ROBO2: variants seen among roughly 807,000 people sequenced by gnomAD.
ROBO2 encodes roundabout guidance receptor 2, also known as roundabout homolog 2.
In ROBO2, 53 loss-of-function variants were observed where a neutral mutation model predicts 160.8. The ratio of observed to expected loss-of-function variants is 0.33; its 90% CI spans 0.26 to 0.41. The LOEUF is 0.41. Ranked by LOEUF, ROBO2 falls within the 10% of genes least tolerant of loss-of-function variation. ROBO2 has a pLI of 1.00. For missense variants in ROBO2, 1,577 were observed against 1,722.4 expected (o/e 0.92, Z 1.49); for synonymous variants, 664 against 611.7 (o/e 1.09, Z -1.26).
intron 2 of ROBO2, among the ~76,000 whole-genome samples, chr3:75,996,907 G>C (rs1407552242): frequency 6.6e-6 from 1 of 152,024 alleles, no homozygotes; most frequent in East Asian, 1.9e-4. Flanking sequence ...CATGATCCTT[G>C]ACAAATTTTC....
chr3:76,392,738 A>AT (rs942034926), intron 2 of ROBO2, among the ~76,000 whole-genome samples: 8 of 152,054 alleles, frequency 5.3e-5, no homozygotes, highest in Non-Finnish European at 7.4e-5. Flanking sequence ...ATATCAGAAC[A>AT]TTTTTTTATA....
intron 2 of ROBO2, among the ~76,000 whole-genome samples, chr3:76,863,153 G>C (rs1288075733): frequency 6.6e-6 from 1 of 152,074 alleles, no homozygotes; most frequent in Non-Finnish European, 1.5e-5. Flanking sequence ...AAGAGTCTGT[G>C]ACTTGTCTTC....
At chr3:77,308,656 G>A (rs967410364) in intron 2 of ROBO2, among the ~76,000 whole-genome samples, 4 of 152,030 alleles carry the variant, frequency 2.6e-5, no homozygotes, top group Admixed American at 6.6e-5. Flanking sequence ...AAAGATAATC[G>A]CCACTTATCA....
rs747388707 is a variant in ROBO2 at position 77,550,804 on chromosome 3, G to T, written c.1060-14G>T. ...GGAAAATGAATATTGATGAGATTGT[G>T]CTTGCTTCCACAGAACCTACTTTTC... On this transcript the variant is annotated splice_polypyrimidine_tract_variant and intron_variant, in intron 7 of 25. Transcript: ENST00000461745. 5.0e-6 allele frequency: 8 copies of T among 1,612,400 alleles called. No individual in the cohort carries two copies. The highest frequency in any genetic ancestry group is 6.8e-6 in the Non-Finnish European group (8 of 1,178,978).
chr3:76,587,123 G>A (rs1287249943), intron 2 of ROBO2, among the ~76,000 whole-genome samples: 1 of 152,080 alleles, frequency 6.6e-6, no homozygotes, highest in Non-Finnish European at 1.5e-5. Flanking sequence ...TAGTTATTAC[G>A]CCCATTGCCC....
chr3:77,451,277 A>T (rs1318161308), intron 2 of ROBO2, among the ~76,000 whole-genome samples: 1 of 152,130 alleles, frequency 6.6e-6, no homozygotes, highest in Non-Finnish European at 1.5e-5. Context: ...TTGAAAAATG[A>T]TCCCTATCCA....
chr3:76,078,159 C>A (rs2068703047), intron 2 of ROBO2, among the ~76,000 whole-genome samples: 3 of 152,036 alleles, frequency 2.0e-5, no homozygotes, highest in African/African-American at 7.2e-5. Context: ...ATCATAACAA[C>A]CTGTGTTTTC....
chr3:76,097,964 G>C (rs1304240504), intron 2 of ROBO2, among the ~76,000 whole-genome samples: 2 of 152,056 alleles, frequency 1.3e-5, no homozygotes, highest in African/African-American at 4.8e-5. Context: ...AGCAACTCTT[G>C]GTAAATAAAA....
chr3:77,357,843 A>G (rs7429743), intron 2 of ROBO2, among the ~76,000 whole-genome samples: 130,279 of 152,134 alleles, frequency 0.86, 55,747 homozygotes, highest in Non-Finnish European at 0.87. Context: ...TAGAAGAAAA[A>G]AGGTTTGGGC....
intron 2 of ROBO2, among the ~76,000 whole-genome samples, chr3:77,205,516 G>T (rs1483617204): frequency 6.6e-6 from 1 of 151,984 alleles, no homozygotes; most frequent in Non-Finnish European, 1.5e-5. Flanking sequence ...ACAGGATGGG[G>T]GGACATGGCA....
At chr3:76,600,510 G>A (rs988252736) in intron 2 of ROBO2, among the ~76,000 whole-genome samples, 1 of 152,072 alleles carries the variant, frequency 6.6e-6, no homozygotes, top group Non-Finnish European at 1.5e-5. Context: ...CATGGCCAAA[G>A]GTAAAAGGCC....
intron 2 of ROBO2, among the ~76,000 whole-genome samples, chr3:76,680,224 T>G (rs931304546): frequency 6.6e-6 from 1 of 152,146 alleles, no homozygotes; most frequent in African/African-American, 2.4e-5. Flanking sequence ...CGACGCTTAC[T>G]TAGTTCTATA....
At chr3:77,267,257 T>G (rs973355553) in intron 2 of ROBO2, among the ~76,000 whole-genome samples, 2 of 152,202 alleles carry the variant, frequency 1.3e-5, no homozygotes, top group African/African-American at 4.8e-5. Flanking sequence ...GTCAAAAATA[T>G]TAGTTGTTTT....
chr3:76,665,094 A>G (rs1473704692), intron 2 of ROBO2, among the ~76,000 whole-genome samples: 2 of 152,124 alleles, frequency 1.3e-5, no homozygotes, highest in African/African-American at 4.8e-5. Flanking sequence ...ATCATGGCTG[A>G]GGAATGTATG....
chr3:77,375,525 A>G (rs570038057), intron 2 of ROBO2, among the ~76,000 whole-genome samples: 1 of 152,296 alleles, frequency 6.6e-6, no homozygotes, highest in South Asian at 2.1e-4. Context: ...TGTGTTGACT[A>G]GTAATCTTTG....
At chr3:76,476,132 G>A (rs1237856722) in intron 2 of ROBO2, among the ~76,000 whole-genome samples, 6 of 152,158 alleles carry the variant, frequency 3.9e-5, no homozygotes, top group East Asian at 1.9e-4. Context: ...CAGCCTGGGC[G>A]ACAGAGCAAG....
At chr3:76,248,723 C>T (rs2107543738) in intron 2 of ROBO2, among the ~76,000 whole-genome samples, 1 of 151,938 alleles carries the variant, frequency 6.6e-6, no homozygotes, top group South Asian at 2.1e-4. Flanking sequence ...AACTATTCCA[C>T]TCCTATTTTG....
At chr3:77,351,424 G>A (rs1268598093) in intron 2 of ROBO2, among the ~76,000 whole-genome samples, 1 of 152,086 alleles carries the variant, frequency 6.6e-6, no homozygotes, top group Non-Finnish European at 1.5e-5. Flanking sequence ...TTTATGTTGG[G>A]CAGGAAACAA....
At chr3:77,359,892 C>A (rs1458941209) in intron 2 of ROBO2, among the ~76,000 whole-genome samples, 1 of 152,072 alleles carries the variant, frequency 6.6e-6, no homozygotes, top group African/African-American at 2.4e-5. Context: ...GACTCTCTTG[C>A]CCAGAGTGAT....
Sources: gnomAD v4.1 joint callset for allele counts (sites outside exome capture counted in the v4.1 genomes callset) on GRCh38, gnomAD v4.1.1 for gene constraint, MANE v1.5 for transcripts, NCBI Gene and HGNC (gene_info 2026-07-23, HGNC 2026-07-21) for gene names.